The following ARGLU1 variants were observed in gnomAD, a reference collection of about 807,000 sequenced individuals.
ARGLU1 encodes arginine and glutamate rich 1.
In ARGLU1, 9 loss-of-function variants were observed where a neutral mutation model predicts 37.6. The observed-to-expected ratio is 0.24, with a 90% CI of 0.14 to 0.42. The LOEUF is 0.42. Among genes scored for constraint, ARGLU1 ranks in the 10% least tolerant of loss-of-function variants. ARGLU1 has a pLI of 1.00. For missense variants in ARGLU1, 211 were observed against 359.2 expected (o/e 0.59, Z 3.34); for synonymous variants, 166 against 138.5 (o/e 1.20, Z -1.39).
chr13:106,545,889 C>CT lies in ARGLU1; in HGVS notation c.658-1730dup, dbSNP rs555820858. Among the ~76,000 whole-genome samples the CT allele has an allele frequency of 2.2e-3, 337 of 152,262 alleles. 1 individual carries two copies. Among genetic ancestry groups the CT allele is most frequent in the African/African-American group, 7.8e-3 (325 of 41,552 alleles). On this transcript the variant is annotated intron_variant, in intron 3 of 3. Coordinates refer to ENST00000400198, the MANE Select transcript of ARGLU1 (RefSeq NM_018011.4). ...TCTTTAAGATACAGCTCTCTAAAAC[C>CT]TTTTTCCTATGCTACATTTAGACCT... is the stretch of plus-strand genomic sequence containing the variant.
Position 106,567,732 on chromosome 13 carries a change from G to C in ARGLU1, c.188C>G (p.Thr63Arg). 3 of 1,612,334 alleles carry C rather than the reference G, an allele frequency of 1.9e-6. No homozygotes were observed. Among genetic ancestry groups the C allele is most frequent in the Non-Finnish European group, 2.5e-6 (3 of 1,179,276 alleles). Reference protein sequence around the residue: ...ESRSRSRSTNTAVSRRERDRE... With the variant: ...ESRSRSRSTNRAVSRRERDRE... ...GTCCCGCTCGCGCCGGGACACGGCC[G>C]TGTTGGTGGAGCGCGAACGGGACCG... The change falls in exon 1 of 4, where the codon ACG becomes AGG. Residue 63 changes from threonine to arginine, a missense_variant. By Grantham distance (71) the Thr-to-Arg change is moderately conservative. Around this residue, in one of 3 missense-constraint regions of ARGLU1, gnomAD observed 130 missense variants for 179.8 expected, o/e 0.72. Transcript: ENST00000400198. The surrounding 1 kb of genome is among the most constrained non-coding windows in gnomAD (Gnocchi z 4.3).
chr13:106,563,207 T>C (rs772099834), intron 1 of ARGLU1, among the ~76,000 whole-genome samples: 4 of 152,206 alleles, frequency 2.6e-5, no homozygotes, highest in Non-Finnish European at 5.9e-5. Context: ...CATTTACTTA[T>C]TACTTAATAG....
chr13:106,568,112 C>A lies in ARGLU1; in HGVS notation c.-193G>T. 1 of 835,470 alleles carries A rather than the reference C, an allele frequency of 1.2e-6. No individual in the cohort carries two copies. The highest frequency in any genetic ancestry group is 1.7e-6 in the Non-Finnish European group (1 of 578,184). The allele number at this position is 835,470 out of a possible 1,614,324, so 51.8% of individuals were successfully genotyped here. On this transcript the variant is annotated 5_prime_UTR_variant, in exon 1 of 4. Transcript: ENST00000400198. ...CGCCTCCAACGAGAAACCCGTAGCG[C>A]CAGGCGCCCCTAAGATGGCAGCTGC... is the stretch of plus-strand genomic sequence containing the variant.
intron 3 of ARGLU1, among the ~76,000 whole-genome samples, chr13:106,550,788 G>A (rs1594189511): frequency 6.6e-6 from 1 of 152,144 alleles, no homozygotes; most frequent in East Asian, 1.9e-4. Flanking sequence ...AGGTTTCTTG[G>A]TGTGTGGACA....
intron 3 of ARGLU1, among the ~76,000 whole-genome samples, chr13:106,544,980 T>C (rs1169139304): frequency 1.3e-5 from 2 of 152,176 alleles, no homozygotes; most frequent in Non-Finnish European, 2.9e-5. Flanking sequence ...TCCACAGATT[T>C]CCCCCTCTTT....
rs1256555741 is a variant in ARGLU1 at position 106,567,899 on chromosome 13, C to G, written c.21G>C (p.Arg7=). 1.9e-6 allele frequency: 3 copies of G among 1,609,616 alleles called. No homozygotes were observed. The highest frequency in any genetic ancestry group is 1.7e-6 in the Non-Finnish European group (2 of 1,179,472). The part of the protein sequence containing the change: MGRSRS[R]SSSRSKHTKS... ...TGGTGTGCTTGGAGCGGGACGAGCT[C>G]CGGCTCCGAGACCGGCCCATCCTTC... is the stretch of plus-strand genomic sequence containing the variant. The change falls in exon 1 of 4, where the codon CGG becomes CGC. Residue 7 remains arginine (R), a synonymous_variant. Coordinates refer to ENST00000400198, the MANE Select transcript of ARGLU1 (RefSeq NM_018011.4). The surrounding 1 kb of genome is among the most constrained non-coding windows in gnomAD (Gnocchi z 4.3).
At chr13:106,550,552 T>A (rs375554098) in intron 3 of ARGLU1, among the ~76,000 whole-genome samples, 1 of 152,226 alleles carries the variant, frequency 6.6e-6, no homozygotes, top group African/African-American at 2.4e-5. Context: ...TTTCAACTTA[T>A]AGAAATGCTT....
intron 2 of ARGLU1, chr13:106,558,935 G>C: frequency 1.0e-6 from 1 of 985,216 alleles, no homozygotes; most frequent in Non-Finnish European, 1.2e-6. Context: ...GATAAAAGAA[G>C]GAAAAAAAGA....
At chr13:106,547,004 TTC>T (rs1196235715) in intron 3 of ARGLU1, among the ~76,000 whole-genome samples, 3 of 152,052 alleles carry the variant, frequency 2.0e-5, no homozygotes, top group African/African-American at 7.2e-5. Context: ...AATGGATTAA[TTC>T]TGTTATTACC....
rs747959001 is a variant in ARGLU1, at chr13:106,567,650, G to A, written c.270C>T (p.Ser90=). The A allele has an allele frequency of 1.2e-6, 2 of 1,613,548 alleles. No individual in the cohort carries two copies. Among genetic ancestry groups the A allele is most frequent in the Non-Finnish European group, 1.7e-6 (2 of 1,179,706 alleles). Residue 90 remains serine (S), a synonymous_variant, in exon 1 of 4, where the codon AGC becomes AGT. Coordinates refer to ENST00000400198, the MANE Select transcript of ARGLU1 (RefSeq NM_018011.4). The surrounding 1 kb of genome is among the most constrained non-coding windows in gnomAD (Gnocchi z 4.3). ...GCTTCTCGTCCAGGCTGCTGCGCTT[G>A]CTCACCGTGCGCCCGAAGATGTCGA... is the stretch of plus-strand genomic sequence containing the variant. ...DRIDIFGRTV[S]KRSSLDEKQK...
At chr13:106,566,769 C>G (rs1308548382) in intron 1 of ARGLU1, among the ~76,000 whole-genome samples, 2 of 152,156 alleles carry the variant, frequency 1.3e-5, no homozygotes, top group Non-Finnish European at 2.9e-5. Flanking sequence ...AAAATCAACC[C>G]TTCAAGTGTC....
At chr13:106,561,063 G>T (rs1880786793) in intron 1 of ARGLU1, among the ~76,000 whole-genome samples, 1 of 152,112 alleles carries the variant, frequency 6.6e-6, no homozygotes, top group South Asian at 2.1e-4. Context: ...TTCTGTCAAG[G>T]AGACAGTAGG....
At chr13:106,545,980 T>G (rs1421090929) in intron 3 of ARGLU1, among the ~76,000 whole-genome samples, 3 of 152,222 alleles carry the variant, frequency 2.0e-5, no homozygotes, top group Non-Finnish European at 2.9e-5. Context: ...TTTCAAGATT[T>G]AAATTCTTCC....
At chr13:106,566,346 C>T (rs1001494719) in intron 1 of ARGLU1, among the ~76,000 whole-genome samples, 1 of 152,134 alleles carries the variant, frequency 6.6e-6, no homozygotes, top group Non-Finnish European at 1.5e-5. Flanking sequence ...GAAAATCTAC[C>T]TAACACAAAC....
chr13:106,547,763 AATTGGGG>A (rs1880431894), intron 3 of ARGLU1, among the ~76,000 whole-genome samples: 1 of 143,438 alleles, frequency 7.0e-6, no homozygotes, highest in African/African-American at 2.6e-5. Context: ...CGGGGTTGGG[AATTGGGG>A]ATTGGGTTGG....
At chr13:106,547,783 G>T (rs936284776) in intron 3 of ARGLU1, among the ~76,000 whole-genome samples, 3 of 136,522 alleles carry the variant, frequency 2.2e-5, no homozygotes, top group African/African-American at 8.4e-5. Context: ...TGGGTTGGGG[G>T]TAAGGTAAAG....
rs1021058023 is a variant in ARGLU1 at position 106,568,097 on chromosome 13, G to C, written c.-178C>G. On this transcript the variant is annotated 5_prime_UTR_variant, in exon 1 of 4. Coordinates refer to ENST00000400198, the MANE Select transcript of ARGLU1 (RefSeq NM_018011.4). ...AGCTGCCACGAAGGCCGCCTCCAAC[G>C]AGAAACCCGTAGCGCCAGGCGCCCC... 16 of 982,398 alleles carry C rather than the reference G, an allele frequency of 1.6e-5. No individual in the cohort carries two copies. The highest frequency in any genetic ancestry group is 2.0e-5 in the Non-Finnish European group (14 of 710,648). The allele number at this position is 982,398 out of a possible 1,614,324, so 60.9% of individuals were successfully genotyped here.
At chr13:106,555,009 T>C (rs1397499457) in intron 3 of ARGLU1, among the ~76,000 whole-genome samples, 3 of 152,150 alleles carry the variant, frequency 2.0e-5, no homozygotes, top group Non-Finnish European at 4.4e-5. Context: ...TCCAAGCCTC[T>C]TTTTCCCTAA....
Position 106,557,954 on chromosome 13 carries a change from GTCAGGAAATAAAATTCT to G in ARGLU1, c.574-840_574-824del. On this transcript the variant is annotated intron_variant, in intron 2 of 3. Transcript: ENST00000400198. The surrounding 1 kb of genome is among the most constrained non-coding windows in gnomAD (Gnocchi z 5.0). Reference sequence around the variant, plus strand: ...AACTCAGAAATCCAGGGGATGCATGGTCAGGAAATAAAATTCTTCAACTTATTTTTTCTTGGAGAATT... The same window carrying G: ...AACTCAGAAATCCAGGGGATGCATGGTCAACTTATTTTTTCTTGGAGAATT... 1 of 985,354 alleles carries G rather than the reference GTCAGGAAATAAAATTCT, an allele frequency of 1.0e-6. No homozygotes were observed. Among genetic ancestry groups the G allele is most frequent in the South Asian group, 4.7e-5 (1 of 21,286 alleles). The allele number at this position is 985,354 out of a possible 1,614,324, so 61.0% of individuals were successfully genotyped here.
Sources: allele counts gnomAD v4.1 joint callset (sites outside exome capture counted in the v4.1 genomes callset), GRCh38; gene constraint gnomAD v4.1.1; regional missense constraint gnomAD v4.1.1; non-coding constraint Gnocchi (gnomAD v3.1); transcripts MANE v1.5; gene names NCBI Gene and HGNC (gene_info 2026-07-23, HGNC 2026-07-21).